FAM86B2: variants seen among roughly 807,000 people sequenced by gnomAD.
FAM86B2 encodes the protein putative protein N-methyltransferase FAM86B2.
Under a neutral mutation model 26.5 loss-of-function variants are expected in FAM86B2, and 1 was observed. The observed-to-expected ratio is 0.04, with a 90% confidence interval of 0.01 to 0.18. The LOEUF (loss-of-function observed/expected upper bound fraction) is 0.18. FAM86B2 is among the 10% of genes least tolerant of loss of function. The pLI is 1.00. For synonymous variants in FAM86B2, 11 were observed against 127.8 expected (o/e 0.09, Z 6.17); for missense variants, 43 against 303.5 (o/e 0.14, Z 6.38).
At chr8:12,428,469 G>T (rs1457293837) in intron 6 of FAM86B2, among the ~76,000 whole-genome samples, 164 bp downstream of exon 6, 2 of 151,982 alleles carry the variant, frequency 1.3e-5, no homozygotes, top group African/African-American at 4.8e-5. Context: ...ACCTTAAGAG[G>T]CACCCCTGTC....
chr8:12,435,526 T>A (rs1269161364), intron 1 of FAM86B2, among the ~76,000 whole-genome samples: 2 of 136,602 alleles, frequency 1.5e-5, no homozygotes, highest in Non-Finnish European at 3.2e-5. Context: ...ATATTTTATG[T>A]CAATGGAATA....
intron 1 of FAM86B2, among the ~76,000 whole-genome samples, chr8:12,435,928 C>T (rs1384934067): frequency 6.6e-6 from 1 of 150,732 alleles, no homozygotes. Context: ...GCGAGTGCAG[C>T]TGTGTCCCAG....
intron 1 of FAM86B2, among the ~76,000 whole-genome samples, chr8:12,435,584 G>A (rs1798600148): frequency 7.3e-6 from 1 of 137,588 alleles, no homozygotes; most frequent in African/African-American, 2.7e-5. Flanking sequence ...GACCCAGGGA[G>A]GAATATATAT....
intron 6 of FAM86B2, among the ~76,000 whole-genome samples, chr8:12,428,400 G>T (rs1238231385): frequency 6.6e-6 from 1 of 152,046 alleles, no homozygotes; most frequent in African/African-American, 2.4e-5. Flanking sequence ...AGAGCCATGT[G>T]GTGACGACTG....
intron 3 of FAM86B2, among the ~76,000 whole-genome samples, chr8:12,430,709 A>AG: frequency 1.9e-5 from 1 of 52,368 alleles, no homozygotes; most frequent in African/African-American, 2.9e-5. Context: ...GTCTCTAAAA[A>AG]AAAAATTATT....
intron 1 of FAM86B2, among the ~76,000 whole-genome samples, chr8:12,434,625 G>A (rs1461490579): frequency 2.2e-5 from 3 of 133,792 alleles, no homozygotes; most frequent in African/African-American, 8.7e-5. Context: ...GCCCTACAAG[G>A]CCTGCTGCTA....
chr8:12,428,476 T>A (rs1411110841), intron 6 of FAM86B2, among the ~76,000 whole-genome samples, 157 bp downstream of exon 6: 2 of 151,970 alleles, frequency 1.3e-5, no homozygotes, highest in African/African-American at 4.8e-5. Flanking sequence ...GAGGCACCCC[T>A]GTCCTTTGAT....
chr8:12,429,782 C>T (rs1283815836), intron 4 of FAM86B2, among the ~76,000 whole-genome samples: 1 of 10,952 alleles, frequency 9.1e-5, no homozygotes, highest in Non-Finnish European at 1.6e-4. Flanking sequence ...GGATTACAGG[C>T]GCCCACTACC....
chr8:12,434,888 C>A (rs1375241317), intron 1 of FAM86B2, among the ~76,000 whole-genome samples: 2 of 151,440 alleles, frequency 1.3e-5, no homozygotes, highest in Non-Finnish European at 2.9e-5. Context: ...CCAGTTGCTC[C>A]ATTCACCATT....
intron 3 of FAM86B2, among the ~76,000 whole-genome samples, chr8:12,431,721 G>T (rs1361960332): frequency 9.1e-5 from 5 of 55,086 alleles, no homozygotes; most frequent in South Asian, 8.5e-4. Context: ...CCCAGAGACG[G>T]ACAAGAGCAG....
chr8:12,428,185 C>CG (rs1314454161), intron 6 of FAM86B2, among the ~76,000 whole-genome samples: 1 of 135,674 alleles, frequency 7.4e-6, no homozygotes, highest in Admixed American at 7.7e-5. Flanking sequence ...CTGGCCACCG[C>CG]TGGACCTGTG....
rs534284747 is a variant in FAM86B2 at position 12,428,515 on chromosome 8, C to G, written c.742+118G>C. ...ACCCTGGAGGCCCAGAGTAACTCTT[C>G]TGGAAGCCCCATCACGTCCATGCCC... On this transcript the variant is annotated intron_variant, in intron 6 of 7. Coordinates refer to ENST00000262365, the MANE Select transcript of FAM86B2 (RefSeq NM_001137610.3). The G allele has an allele frequency of 8.0e-6, 12 of 1,497,464 alleles. No individual in the cohort carries two copies. The East Asian group carries it at 2.7e-4, about 34-fold the overall frequency. 92.8% of individuals were successfully genotyped at this position (1,497,464 alleles called of 1,614,324 possible). A position where few individuals can be genotyped will look rare whatever the true frequency, so the allele number is the denominator to read the frequency against.
intron 1 of FAM86B2, among the ~76,000 whole-genome samples, chr8:12,435,933 T>C (rs1798633199): frequency 6.6e-6 from 1 of 150,840 alleles, no homozygotes; most frequent in African/African-American, 2.5e-5. Flanking sequence ...TGCAGCTGTG[T>C]CCCAGTGACC....
At position 12,435,849 on chromosome 8, in the gene FAM86B2, T is replaced by C. The variant is rs1348178812; in HGVS notation, c.96+399A>G. On this transcript the variant is annotated intron_variant, in intron 1 of 7. Coordinates refer to ENST00000262365, the MANE Select transcript of FAM86B2 (RefSeq NM_001137610.3). ...ACACTGAGGCACGAGGGACAGCCTG[T>C]GACCTGGTCACCACGCTCAGGAGGA... Among the ~76,000 whole-genome samples the C allele has an allele frequency of 1.4e-5, 2 of 140,256 alleles. 1 individual carries two copies. The highest frequency in any genetic ancestry group is 5.2e-5 in the African/African-American group (2 of 38,506). 92.0% of individuals were successfully genotyped at this position (140,256 alleles called of 152,430 possible). A position where few individuals can be genotyped will look rare whatever the true frequency, so the allele number is the denominator to read the frequency against.
At position 12,424,545 on chromosome 8, in the gene FAM86B2, C is replaced by CTTGT. The variant is rs1476641780; in HGVS notation, c.*1340_*1343dup. On this transcript the variant is annotated 3_prime_UTR_variant, in exon 8 of 8. Coordinates refer to ENST00000262365, the MANE Select transcript of FAM86B2 (RefSeq NM_001137610.3). ...AGGCTGAAAAGAACACCCACACCCC[C>CTTGT]TTGTTACCCACAGATGGGTGGGACT... Among the ~76,000 whole-genome samples, 7 of 105,762 alleles carry CTTGT rather than the reference C, an allele frequency of 6.6e-5. No individual in the cohort carries two copies. Among genetic ancestry groups the CTTGT allele is most frequent in the African/African-American group, 1.8e-4 (6 of 33,562 alleles). 69.4% of individuals were successfully genotyped at this position (105,762 alleles called of 152,430 possible).
rs1199179423 is a variant in FAM86B2, at chr8:12,424,498, C to T, written c.*1391G>A. ...TGGCCTGCAGGCTGTAGTTTGTGATCCTTGATTCAGACAGTTTAGCAAGGC... is the reference window on the plus strand; with the variant it reads ...TGGCCTGCAGGCTGTAGTTTGTGATTCTTGATTCAGACAGTTTAGCAAGGC... On this transcript the variant is annotated 3_prime_UTR_variant, in exon 8 of 8. Transcript: ENST00000262365. Among the ~76,000 whole-genome samples, 1 of 111,208 alleles carries T rather than the reference C, an allele frequency of 9.0e-6. No individual in the cohort carries two copies. Among genetic ancestry groups the T allele is most frequent in the African/African-American group, 3.0e-5 (1 of 33,880 alleles). The allele number at this position is 111,208 out of a possible 152,430, so 73.0% of individuals were successfully genotyped here. A position where few individuals can be genotyped will look rare whatever the true frequency, so the allele number is the denominator to read the frequency against.
chr8:12,428,380 G>T (rs1489368471), intron 6 of FAM86B2, among the ~76,000 whole-genome samples: 1 of 151,948 alleles, frequency 6.6e-6, no homozygotes, highest in Non-Finnish European at 1.5e-5. Context: ...ACAGGGCATG[G>T]CTCTGGGACA....
intron 1 of FAM86B2, 85 bp downstream of exon 1, chr8:12,436,163 C>CG (rs1563278452): frequency 6.1e-6 from 5 of 825,350 alleles, no homozygotes; most frequent in East Asian, 5.6e-5. Context: ...GCCGGAGCGC[C>CG]GGGGGTTTCA....
intron 7 of FAM86B2, among the ~76,000 whole-genome samples, chr8:12,426,553 T>TGAGATCA (rs1812660710): frequency 1.4e-5 from 1 of 70,728 alleles, no homozygotes; most frequent in Non-Finnish European, 2.7e-5. Context: ...AGTGCAGTGG[T>TGAGATCA]GAGATCAGGG....
Sources: allele counts gnomAD v4.1 joint callset (sites outside exome capture counted in the v4.1 genomes callset), GRCh38; gene constraint gnomAD v4.1.1; transcripts MANE v1.5; gene names NCBI Gene and HGNC (gene_info 2026-07-23, HGNC 2026-07-21).